Variants in QTMAN observed in about 807,000 individuals in gnomAD.
The protein encoded by QTMAN is tRNA-queuosine alpha-mannosyltransferase.
the QTMAN span, among the ~76,000 whole-genome samples, chr2:144,310,782 AAACAAG>A: frequency 3.3e-5 from 5 of 152,246 alleles, no homozygotes; most frequent in Admixed American, 2.0e-4. Context: ...ATTAAAGATG[AAACAAG>A]TTTGGGTAAA....
chr2:144,109,745 C>T, the QTMAN span, among the ~76,000 whole-genome samples: 1 of 151,810 alleles, frequency 6.6e-6, no homozygotes, highest in Admixed American at 6.6e-5. Context: ...TGAACAGACA[C>T]TTCTCAAAAG....
the QTMAN span, among the ~76,000 whole-genome samples, chr2:144,067,013 T>C: frequency 1.3e-5 from 2 of 152,354 alleles, no homozygotes; most frequent in African/African-American, 4.8e-5. Context: ...CGGTCTGTTC[T>C]ACCTTCAAAA....
chr2:144,234,864 G>A, the QTMAN span, among the ~76,000 whole-genome samples: 1 of 152,136 alleles, frequency 6.6e-6, no homozygotes, highest in Non-Finnish European at 1.5e-5. Context: ...AAGGAATCAA[G>A]TGAGAACAGT....
the QTMAN span, chr2:144,208,631 G>C: frequency 1.2e-6 from 2 of 1,613,666 alleles, no homozygotes; most frequent in Non-Finnish European, 1.7e-6. Flanking sequence ...GGAATGGTCT[G>C]AGAGAAATAT....
chr2:144,148,380 T>C, the QTMAN span, among the ~76,000 whole-genome samples: 1 of 151,840 alleles, frequency 6.6e-6, no homozygotes, highest in Non-Finnish European at 1.5e-5. Flanking sequence ...GTGTAGTAAT[T>C]CATAGCTTCA....
the QTMAN span, among the ~76,000 whole-genome samples, chr2:144,139,300 C>T: frequency 1.3e-5 from 2 of 152,034 alleles, no homozygotes; most frequent in African/African-American, 4.8e-5. Flanking sequence ...CCTCTATATT[C>T]AGATGCCAAT....
the QTMAN span, among the ~76,000 whole-genome samples, chr2:143,986,298 T>G: frequency 6.6e-6 from 1 of 152,240 alleles, no homozygotes; most frequent in Non-Finnish European, 1.5e-5. Context: ...AAAAAATATA[T>G]TCTTACCTGA....
the QTMAN span, among the ~76,000 whole-genome samples, chr2:144,163,609 G>A: frequency 2.6e-5 from 4 of 152,160 alleles, no homozygotes; most frequent in Non-Finnish European, 5.9e-5. Context: ...GTAGGAAAAG[G>A]TTAAATCAAA....
the QTMAN span, among the ~76,000 whole-genome samples, chr2:144,012,993 G>A: frequency 6.6e-6 from 1 of 152,054 alleles, no homozygotes; most frequent in Admixed American, 6.6e-5. Context: ...GAGTAGTAGA[G>A]CCACAGCGTT....
At chr2:144,185,934 C>A in the QTMAN span, among the ~76,000 whole-genome samples, 5 of 152,102 alleles carry the variant, frequency 3.3e-5, no homozygotes, top group Non-Finnish European at 5.9e-5. Flanking sequence ...ATTATAAAGT[C>A]GTACACAAAT....
the QTMAN span, among the ~76,000 whole-genome samples, chr2:144,058,129 G>A: frequency 4.3e-4 from 17 of 39,894 alleles, no homozygotes; most frequent in East Asian, 0.014. Context: ...CCCCCACCCC[G>A]CTAAACACAC....
the QTMAN span, among the ~76,000 whole-genome samples, chr2:144,210,059 C>CGG: frequency 6.7e-4 from 20 of 30,046 alleles, no homozygotes; most frequent in Middle Eastern, 0.015. Flanking sequence ...ATTATGTGGG[C>CGG]GGGGGGGGGC....
chr2:143,966,599 C>A, the QTMAN span, among the ~76,000 whole-genome samples: 1 of 152,234 alleles, frequency 6.6e-6, no homozygotes, highest in African/African-American at 2.4e-5. Context: ...GCCCATCTCA[C>A]CCACTGCGCC....
the QTMAN span, among the ~76,000 whole-genome samples, chr2:144,167,197 T>C: frequency 6.6e-6 from 1 of 152,318 alleles, no homozygotes; most frequent in South Asian, 2.1e-4. Context: ...GCTTTTATAT[T>C]CCTGTTCCCA....
the QTMAN span, among the ~76,000 whole-genome samples, chr2:144,029,023 A>C: frequency 2.0e-5 from 3 of 152,212 alleles, no homozygotes; most frequent in Non-Finnish European, 2.9e-5. Flanking sequence ...CTAAAATTTC[A>C]GGGTCACCAT....
the QTMAN span, among the ~76,000 whole-genome samples, chr2:144,138,978 G>A: frequency 2.0e-5 from 3 of 152,126 alleles, no homozygotes; most frequent in Non-Finnish European, 4.4e-5. Flanking sequence ...TTAAACAGAC[G>A]AGGGGTTTTG....
chr2:144,101,394 T>TCTCACACACA, the QTMAN span, among the ~76,000 whole-genome samples: 3 of 150,124 alleles, frequency 2.0e-5, no homozygotes, highest in African/African-American at 7.3e-5. Flanking sequence ...TATCTCTCTC[T>TCTCACACACA]CACACACACA....
At chr2:144,018,550 G>A in the QTMAN span, among the ~76,000 whole-genome samples, 1 of 152,096 alleles carries the variant, frequency 6.6e-6, no homozygotes, top group Non-Finnish European at 1.5e-5. Flanking sequence ...ACACATTTTA[G>A]TATTTCTTAG....
At chr2:143,949,105 C>A in the QTMAN span, among the ~76,000 whole-genome samples, 1 of 151,470 alleles carries the variant, frequency 6.6e-6, no homozygotes, top group African/African-American at 2.4e-5. Context: ...AATCCTAAGC[C>A]AAGTGTACGT....
Sources: allele counts gnomAD v4.1 joint callset (sites outside exome capture counted in the v4.1 genomes callset), GRCh38; gene constraint gnomAD v4.1.1; transcripts MANE v1.5; gene names NCBI Gene and HGNC (gene_info 2026-07-23, HGNC 2026-07-21).